The following ABCA3 variants were observed in gnomAD, a reference collection of about 807,000 sequenced individuals.
ABCA3 encodes the protein phospholipid-transporting ATPase ABCA3.
A neutral mutation model predicts 172.8 loss-of-function variants in ABCA3; 88 were observed. That is an observed-to-expected ratio of 0.51 (90% CI 0.43 to 0.61). The LOEUF is 0.61. ABCA3 is among the 20% of genes least tolerant of loss of function. The pLI is 0.00. For synonymous variants in ABCA3, 1,066 were observed against 983.8 expected (o/e 1.08, Z -1.56); for missense variants, 2,164 against 2,301.0 (o/e 0.94, Z 1.22).
chr16:2,309,967 A>G (rs1398639575), intron 10 of ABCA3, among the ~76,000 whole-genome samples: 2 of 152,140 alleles, frequency 1.3e-5, no homozygotes, highest in Non-Finnish European at 2.9e-5. Flanking sequence ...AAAAATTATT[A>G]ACGACACCAA....
intron 18 of ABCA3, among the ~76,000 whole-genome samples, chr16:2,293,699 G>C (rs553142003): frequency 1.3e-5 from 2 of 151,150 alleles, no homozygotes; most frequent in Non-Finnish European, 3.0e-5. Flanking sequence ...CACCACGCCC[G>C]GCTAATTTTG....
intron 1 of ABCA3, among the ~76,000 whole-genome samples, chr16:2,331,782 A>T (rs995116690): frequency 2.0e-5 from 3 of 152,186 alleles, no homozygotes; most frequent in Non-Finnish European, 2.9e-5. Flanking sequence ...CTGAGCCCCC[A>T]TCAGCTACTC....
chr16:2,291,245 G>A (rs1448558932), intron 19 of ABCA3, among the ~76,000 whole-genome samples: 1 of 152,048 alleles, frequency 6.6e-6, no homozygotes, highest in East Asian at 1.9e-4. Context: ...AGAATCGCTT[G>A]AATCTGGGAG....
At chr16:2,282,434 G>A (rs868740625) in intron 26 of ABCA3, among the ~76,000 whole-genome samples, 1 of 152,204 alleles carries the variant, frequency 6.6e-6, no homozygotes, top group African/African-American at 2.4e-5. Flanking sequence ...TCCCTTTTTA[G>A]AGAAGTCTGA....
rs759365467 is a variant in ABCA3, at chr16:2,285,613, C to G, written c.3312G>C (p.Leu1104=). 6.4e-7 allele frequency: 1 copy of G among 1,555,890 alleles called. No individual in the cohort carries two copies. The highest frequency in any genetic ancestry group is 8.7e-7 in the Non-Finnish European group (1 of 1,149,278). Reference sequence around the variant, plus strand: ...TGGCCAAGAATGCCATGGCGAAGAGCAGGTTGAGGGCAATGTCGAATCCCT... The same window carrying G: ...TGGCCAAGAATGCCATGGCGAAGAGGAGGTTGAGGGCAATGTCGAATCCCT... ...GRKGFDIALN[L]LFAMAFLAST... The change falls in exon 23 of 33, where the codon CTG becomes CTC. Residue 1104 remains leucine (L), a synonymous_variant. Coordinates refer to ENST00000301732, the MANE Select transcript of ABCA3 (RefSeq NM_001089.3). The surrounding 1 kb of genome is among the most constrained non-coding windows in gnomAD (Gnocchi z 4.7).
In ABCA3 at chr16:2,318,821, C is replaced by A. The variant is rs187759569; in HGVS notation, c.873+760G>T. On this transcript the variant is annotated intron_variant, in intron 8 of 32. Transcript: ENST00000301732. ...AGCCAGTGCCCAGGGCTAGCCCTTT[C>A]TTATGCATAATTTCTGACCTACAGA... Among the ~76,000 whole-genome samples the A allele has an allele frequency of 2.5e-3, 380 of 152,260 alleles. 3 individuals carry two copies. Among genetic ancestry groups the A allele is most frequent in the African/African-American group, 8.3e-3 (343 of 41,552 alleles).
rs1596866633 is a variant in ABCA3, at chr16:2,326,245, T to C, written c.84A>G (p.Glu28=). 5 of 1,613,158 alleles carry C rather than the reference T, an allele frequency of 3.1e-6. No homozygotes were observed. The highest frequency in any genetic ancestry group is 1.3e-5 in the African/African-American group (1 of 74,750). Residue 28 remains glutamate, a synonymous_variant, in exon 5 of 33, where the codon GAA becomes GAG. Coordinates refer to ENST00000301732, the MANE Select transcript of ABCA3 (RefSeq NM_001089.3). The part of the protein sequence containing the change: ...QKRKVLVTVL[E]LFLPLLFSGI... ...CAGAAAACAGCAATGGCAGGAAGAG[T>C]TCCAGGACCGTCACCAGGACCTTCC...
At chr16:2,302,010 C>A (rs1167055815) in intron 12 of ABCA3, among the ~76,000 whole-genome samples, 2 of 152,282 alleles carry the variant, frequency 1.3e-5, no homozygotes, top group Non-Finnish European at 2.9e-5. Context: ...AAGCCGCAAA[C>A]AAAAGCCTGA....
chr16:2,295,450 G>A, intron 18 of ABCA3, 140 bp downstream of exon 18: 2 of 1,301,610 alleles, frequency 1.5e-6, no homozygotes, highest in Admixed American at 1.7e-5. Context: ...GGCTGATGGT[G>A]CCCAGGCTGA....
intron 10 of ABCA3, among the ~76,000 whole-genome samples, chr16:2,315,360 C>T (rs1567350378): frequency 6.6e-6 from 1 of 152,084 alleles, no homozygotes; most frequent in African/African-American, 2.4e-5. Flanking sequence ...TGGCAGACTC[C>T]CACTAACGAT....
At chr16:2,302,442 TGTTAG>T (rs1238509345) in intron 12 of ABCA3, among the ~76,000 whole-genome samples, 1 of 152,146 alleles carries the variant, frequency 6.6e-6, no homozygotes, top group Non-Finnish European at 1.5e-5. Flanking sequence ...TGAGTTGTAC[TGTTAG>T]GTTAAGAAAA....
At chr16:2,303,262 CTCTT>C (rs942386730) in intron 12 of ABCA3, among the ~76,000 whole-genome samples, 5 of 150,692 alleles carry the variant, frequency 3.3e-5, no homozygotes, top group South Asian at 2.1e-4. Context: ...CTTTTTTTCT[CTCTT>C]TTTTTTTTTT....
chr16:2,291,096 C>T (rs2093671322), intron 19 of ABCA3, among the ~76,000 whole-genome samples: 1 of 152,094 alleles, frequency 6.6e-6, no homozygotes, highest in Non-Finnish European at 1.5e-5. Context: ...GTAATCCCAG[C>T]ACAGATCTTC....
At position 2,326,275 on chromosome 16, in the gene ABCA3, C is replaced by T. The variant is rs1203870702; in HGVS notation, c.55-1G>A. 6.2e-7 allele frequency: 1 copy of T among 1,612,946 alleles called. No individual in the cohort carries two copies. The highest frequency in any genetic ancestry group is 1.7e-5 in the Admixed American group (1 of 60,026). The stretch of plus-strand genomic sequence containing the variant: ...GGACCGTCACCAGGACCTTCCGCTT[C>T]TGGAAGAGATACAATAGGGCACGGT... On this transcript the variant is annotated splice_acceptor_variant, in intron 4 of 32. Coordinates refer to ENST00000301732, the MANE Select transcript of ABCA3 (RefSeq NM_001089.3). LOFTEE classifies it high-confidence loss of function.
At chr16:2,335,921 A>C (rs757703336) in intron 1 of ABCA3, among the ~76,000 whole-genome samples, 8 of 152,230 alleles carry the variant, frequency 5.3e-5, no homozygotes, top group Non-Finnish European at 1.0e-4. Flanking sequence ...GAGTCAGAGA[A>C]TTTAAGGAGA....
At chr16:2,317,794 G>C in intron 8 of ABCA3, 30 bp from the exon 9 acceptor site, 1 of 1,602,980 alleles carries the variant, frequency 6.2e-7, no homozygotes, top group Non-Finnish European at 8.5e-7. Flanking sequence ...CGCTGCTGGG[G>C]GCCCGTCACT....
In ABCA3 at chr16:2,295,608, G is replaced by C; in HGVS notation, c.2396C>G (p.Pro799Arg). 6.2e-7 allele frequency: 1 copy of C among 1,613,700 alleles called. No individual in the cohort carries two copies. Among genetic ancestry groups the C allele is most frequent in the Non-Finnish European group, 8.5e-7 (1 of 1,180,042 alleles). The change falls in exon 18 of 33, where the codon CCC (proline) becomes CGC (arginine). Residue 799 changes from proline (P) to arginine (R), a missense_variant. This residue lies in a region of ABCA3 where 1,343 missense variants were observed against 1,369.6 expected (regional missense o/e 0.98). Transcript: ENST00000301732. ...SAGAELSFIL[P>R]RESTHRFEGL... ...GGCGTACCTGTGCGTGCTCTCTCTG[G>C]GAAGGATGAAAGACAGCTCGGCCCC...
At chr16:2,293,488 C>A (rs1273966387) in intron 18 of ABCA3, among the ~76,000 whole-genome samples, 1 of 150,576 alleles carries the variant, frequency 6.6e-6, no homozygotes, top group Non-Finnish European at 1.5e-5. Flanking sequence ...CCTCTCACCT[C>A]AGCCTCCCAA....
At chr16:2,324,975 T>TG (rs2093732066) in intron 5 of ABCA3, among the ~76,000 whole-genome samples, 1 of 152,164 alleles carries the variant, frequency 6.6e-6, no homozygotes, top group African/African-American at 2.4e-5. Flanking sequence ...CAGAAAGGGT[T>TG]TTACTGTCGT....
Sources: gnomAD v4.1 joint callset for allele counts (sites outside exome capture counted in the v4.1 genomes callset) on GRCh38, gnomAD v4.1.1 for gene constraint, gnomAD v4.1.1 regional missense constraint, Gnocchi (gnomAD v3.1) non-coding constraint, MANE v1.5 for transcripts, NCBI Gene and HGNC (gene_info 2026-07-23, HGNC 2026-07-21) for gene names.